Variants in KRT7 observed in about 807,000 individuals in gnomAD.
KRT7 encodes keratin, type II cytoskeletal 7.
KRT7 carries 50 observed loss-of-function variants against 42.8 expected under a neutral mutation model. The ratio of observed to expected loss-of-function variants is 1.17; its 90% confidence interval spans 0.93 to 1.48. The LOEUF is 1.48. KRT7 is among the 40% of genes most tolerant of loss of function. The probability of loss-of-function intolerance (pLI) is 0.00; values close to 1 mark genes in which losing one functional copy is unlikely to be tolerated. For missense variants in KRT7, 588 were observed against 637.6 expected (o/e 0.92, Z 0.84); for synonymous variants, 268 against 266.3 (o/e 1.01, Z -0.06).
At chr12:52,253,830 C>T (rs1942301659), downstream of KRT7, 3 of 524,050 alleles carry the variant, frequency 5.7e-6, no homozygotes, top group East Asian at 5.4e-5. Flanking sequence ...AGCCCACCCT[C>T]ATCATCATCC....
intron 6 of KRT7, chr12:52,244,260 AC>A (rs1455619696): frequency 1.1e-6 from 1 of 936,892 alleles, no homozygotes; most frequent in South Asian, 4.9e-5. Context: ...GCCGTGAGTC[AC>A]CCCATGAAGT....
intron 7 of KRT7, among the ~76,000 whole-genome samples, chr12:52,246,912 GA>G (rs1162020408): frequency 2.6e-5 from 4 of 152,128 alleles, no homozygotes; most frequent in African/African-American, 7.2e-5. Flanking sequence ...AAAGGGGACT[GA>G]AGCTCAGAAA....
At chr12:52,246,592 A>C (rs1325969430) in intron 7 of KRT7, 2 of 152,324 alleles carry the variant, frequency 1.3e-5, no homozygotes, top group Admixed American at 6.5e-5. Flanking sequence ...ACAGGGCCGC[A>C]GGGTATGAGT....
At chr12:52,247,345 A>C (rs1942189794) in intron 7 of KRT7, 1 of 152,144 alleles carries the variant, frequency 6.6e-6, no homozygotes, top group South Asian at 2.1e-4. Flanking sequence ...AGCAGGGGCC[A>C]TTTAAGCAAG....
downstream of KRT7, among the ~76,000 whole-genome samples, chr12:52,253,023 T>C (rs1942289574): frequency 6.6e-6 from 1 of 152,122 alleles, no homozygotes; most frequent in African/African-American, 2.4e-5. Flanking sequence ...AGCACCTCAT[T>C]CCCTCCATAT....
At chr12:52,237,591 G>C in intron 3 of KRT7, 22 bp downstream of exon 3, 1 of 1,533,512 alleles carries the variant, frequency 6.5e-7, no homozygotes, top group South Asian at 1.1e-5. Context: ...AGACAGGCTC[G>C]AGGAGGGTTG....
downstream of KRT7, among the ~76,000 whole-genome samples, chr12:52,249,638 G>GTGTGGCAGGTGTTC (rs1211963715): frequency 6.6e-6 from 1 of 152,170 alleles, no homozygotes; most frequent in Non-Finnish European, 1.5e-5. Flanking sequence ...GTGTCTGTGA[G>GTGTGGCAGGTGTTC]TGTGGCAGGT....
chr12:52,245,333 C>T (rs1041237199), intron 6 of KRT7, 79 bp from the exon 7 acceptor site: 83 of 1,456,176 alleles, frequency 5.7e-5, no homozygotes, highest in Admixed American at 3.9e-5. Flanking sequence ...AAGCAAGTTG[C>T]CCGGGTGCTC....
downstream of KRT7, chr12:52,252,218 G>C (rs1294051946): frequency 1.2e-6 from 2 of 1,609,368 alleles, no homozygotes; most frequent in Non-Finnish European, 1.7e-6. Flanking sequence ...AGCACTGCCT[G>C]GGGGAAACTG....
chr12:52,235,084 ATGT>A lies in KRT7; in HGVS notation c.325-69_325-67del, dbSNP rs1014170134. 3 of 1,433,420 alleles carry A rather than the reference ATGT, an allele frequency of 2.1e-6. No homozygotes were observed. In the African/African-American group the frequency reaches 4.2e-5, roughly 20 times the overall value. 88.8% of individuals were successfully genotyped at this position (1,433,420 alleles called of 1,614,324 possible). On this transcript the variant is annotated intron_variant, in intron 1 of 8. Transcript: ENST00000331817. ...TGGCTCTGCTAAGTGGCTAAAGATG[ATGT>A]TCCTCAATCCCGCTGTGGGTGGCAC...
At chr12:52,243,699 C>T (rs914887914) in intron 6 of KRT7, among the ~76,000 whole-genome samples, 5 of 152,228 alleles carry the variant, frequency 3.3e-5, no homozygotes, top group Non-Finnish European at 7.3e-5. Flanking sequence ...TTGTTGTTTT[C>T]TCCTCCCTGG....
Position 52,245,638 on chromosome 12 carries a change from G to A in KRT7, c.1205+6G>A. On this transcript the variant is annotated splice_donor_region_variant and intron_variant, in intron 7 of 8. Coordinates refer to ENST00000331817, the MANE Select transcript of KRT7 (RefSeq NM_005556.4). ...CTGGAGGGCGAGGAGAGCCGGTGAG[G>A]ACAAGGAACCTGGAAAGGGGATGCT... 1.2e-6 allele frequency: 2 copies of A among 1,613,240 alleles called. No individual in the cohort carries two copies. The highest frequency in any genetic ancestry group is 1.7e-6 in the Non-Finnish European group (2 of 1,180,000).
chr12:52,251,002 C>A (rs1041827526), downstream of KRT7, among the ~76,000 whole-genome samples: 1 of 152,142 alleles, frequency 6.6e-6, no homozygotes, highest in African/African-American at 2.4e-5. Flanking sequence ...ATTTTTGAGA[C>A]GGAGTCTCTC....
chr12:52,243,218 C>T, intron 6 of KRT7, 81 bp downstream of exon 6: 1 of 1,493,312 alleles, frequency 6.7e-7, no homozygotes, highest in Admixed American at 2.1e-5. Flanking sequence ...GGATGTGGAG[C>T]AGGAGGTTCC....
At chr12:52,251,403 G>GAA (rs1394837128), downstream of KRT7, among the ~76,000 whole-genome samples, 1 of 152,188 alleles carries the variant, frequency 6.6e-6, no homozygotes, top group East Asian at 1.9e-4. Flanking sequence ...TCACACACAC[G>GAA]AAAATCTCGT....
chr12:52,245,508 C>T lies in KRT7; in HGVS notation c.1081C>T (p.Leu361=). 1 of 1,614,066 alleles carries T rather than the reference C, an allele frequency of 6.2e-7. No individual in the cohort carries two copies. The part of the protein sequence containing the change: ...RAKQEELEAA[L]QRGKQDMARQ... ...CAAGCAGGAGGAGCTGGAAGCCGCC[C>T]TGCAGCGGGGCAAGCAGGATATGGC... The change falls in exon 7 of 9, where the codon CTG becomes TTG. Residue 361 remains leucine (L), a synonymous_variant. Transcript: ENST00000331817.
At chr12:52,251,552 ATG>A (rs1942266880), downstream of KRT7, among the ~76,000 whole-genome samples, 1 of 152,248 alleles carries the variant, frequency 6.6e-6, no homozygotes, top group African/African-American at 2.4e-5. Context: ...TCTGTACAGC[ATG>A]TGACTGTACT....
In KRT7 at chr12:52,241,453, T is replaced by C; in HGVS notation, c.694-19T>C. The stretch of plus-strand genomic sequence containing the variant: ...TAGGATCCTGCCCTAAGTCCTGATG[T>C]CCCGTCTGGTCCCTACAGGAGTTGA... On this transcript the variant is annotated intron_variant, in intron 4 of 8. Transcript: ENST00000331817. The C allele has an allele frequency of 6.3e-7, 1 of 1,590,318 alleles. No homozygotes were observed.
chr12:52,248,672 T>A lies in KRT7; in HGVS notation c.1322T>A (p.Leu441Gln). Residue 441 changes from leucine (L) to glutamine (Q), a missense_variant, in exon 9 of 9, where the codon CTG becomes CAG. Coordinates refer to ENST00000331817, the MANE Select transcript of KRT7 (RefSeq NM_005556.4). Reference protein sequence around the residue: ...TLGGTMGSNALSFSSSAGPGL... With the variant: ...TLGGTMGSNAQSFSSSAGPGL... ...GGGGGAACCATGGGCAGCAATGCCC[T>A]GAGCTTCTCCAGCAGTGCGGGTCCT... 6.2e-7 allele frequency: 1 copy of A among 1,613,362 alleles called. No homozygotes were observed. The highest frequency in any genetic ancestry group is 8.5e-7 in the Non-Finnish European group (1 of 1,179,576).
Sources: allele counts gnomAD v4.1 joint callset (sites outside exome capture counted in the v4.1 genomes callset), GRCh38; gene constraint gnomAD v4.1.1; transcripts MANE v1.5; gene names NCBI Gene and HGNC (gene_info 2026-07-23, HGNC 2026-07-21).